The following TRIO variants were observed in gnomAD, a reference collection of about 807,000 sequenced individuals.
TRIO encodes triple functional domain protein.
Under a neutral mutation model 351.9 loss-of-function variants are expected in TRIO, and 58 were observed. That is an observed-to-expected ratio of 0.16 (90% CI 0.13 to 0.21). The LOEUF is 0.21. Among genes scored for constraint, TRIO ranks in the 10% least tolerant of loss-of-function variants. The pLI is 1.00. For synonymous variants in TRIO, 1,758 were observed against 1,595.7 expected, an observed-to-expected ratio of 1.10 and a Z score of -2.42; for missense variants, 3,201 against 4,027.8, an observed-to-expected ratio of 0.79 and a Z score of 5.56.
At chr5:14,482,225 C>G (rs765267035) in intron 45 of TRIO, among the ~76,000 whole-genome samples, 3 of 152,154 alleles carry the variant, frequency 2.0e-5, no homozygotes, top group East Asian at 1.9e-4. Flanking sequence ...ACACAGAGGC[C>G]GTTGGAGGGC....
chr5:14,224,377 G>A (rs1277492259), intron 1 of TRIO, among the ~76,000 whole-genome samples: 2 of 151,624 alleles, frequency 1.3e-5, no homozygotes, highest in Non-Finnish European at 2.9e-5. Context: ...TACTCTTGGA[G>A]TAAGGAAGAA....
chr5:14,438,309 T>C (rs999402787), intron 34 of TRIO, among the ~76,000 whole-genome samples: 2 of 152,320 alleles, frequency 1.3e-5, no homozygotes, highest in East Asian at 1.9e-4. Flanking sequence ...TCTGACATCA[T>C]TTCCTGACCC....
At position 14,143,756 on chromosome 5, in the gene TRIO, CCCGCCGCGTCCTCCGGCCCCG is replaced by C. The variant is rs1484360353; in HGVS notation, c.36_56del (p.Ser14_Ala20del). 1 of 990,800 alleles carries C rather than the reference CCCGCCGCGTCCTCCGGCCCCG, an allele frequency of 1.0e-6. No individual in the cohort carries two copies. Among genetic ancestry groups the C allele is most frequent in the Non-Finnish European group, 1.2e-6 (1 of 835,134 alleles). The allele number at this position is 990,800 out of a possible 1,614,324, so 61.4% of individuals were successfully genotyped here. A position where few individuals can be genotyped will look rare whatever the true frequency, so the allele number is the denominator to read the frequency against. ...CGGCAGCAGCGGCGGAGCCGCCGCC[CCCGCCGCGTCCTCCGGCCCCG>C]CCGCGGCGGCCAGCGCGGCTGGCTC... On this transcript the variant is annotated inframe_deletion, in exon 1 of 57. Coordinates refer to ENST00000344204, the MANE Select transcript of TRIO (RefSeq NM_007118.4).
intron 45 of TRIO, chr5:14,482,276 C>T (rs139439242): frequency 4.8e-5 from 9 of 187,860 alleles, no homozygotes; most frequent in Non-Finnish European, 3.2e-5. Context: ...TTCCTGCTGG[C>T]GACCCAGGGA....
At chr5:14,308,207 CAT>C (rs1193092226) in intron 8 of TRIO, among the ~76,000 whole-genome samples, 9 of 152,122 alleles carry the variant, frequency 5.9e-5, no homozygotes, top group African/African-American at 2.2e-4. Context: ...ACTTATGAAA[CAT>C]ATGAATGCCA....
chr5:14,176,030 A>G (rs1405015700), intron 1 of TRIO, among the ~76,000 whole-genome samples: 1 of 152,236 alleles, frequency 6.6e-6, no homozygotes, highest in Non-Finnish European at 1.5e-5. Context: ...AAAGCCAGGC[A>G]GGGTGGCATA....
chr5:14,153,344 T>C (rs1488581713), intron 1 of TRIO, among the ~76,000 whole-genome samples: 2 of 152,224 alleles, frequency 1.3e-5, no homozygotes, highest in Non-Finnish European at 1.5e-5. Flanking sequence ...TTGTGCTCCA[T>C]AGGAAAGTAG....
At chr5:14,330,716 C>T in intron 9 of TRIO, 62 bp from the exon 10 acceptor site, 2 of 1,580,138 alleles carry the variant, frequency 1.3e-6, no homozygotes, top group East Asian at 2.3e-5. Context: ...ATTGGATAAC[C>T]TTAAACATTG....
intron 1 of TRIO, among the ~76,000 whole-genome samples, chr5:14,193,029 C>G (rs769036825): frequency 6.6e-6 from 1 of 152,004 alleles, no homozygotes; most frequent in African/African-American, 2.4e-5. Context: ...AAGTGGAGAC[C>G]CTGCTGGGAA....
chr5:14,207,408 A>G (rs1791581075), intron 1 of TRIO, among the ~76,000 whole-genome samples: 2 of 124,612 alleles, frequency 1.6e-5, no homozygotes, highest in Admixed American at 7.8e-5. Flanking sequence ...ACACACACAC[A>G]CACACACACA....
intron 11 of TRIO, 113 bp downstream of exon 11, chr5:14,336,840 T>A: frequency 8.6e-7 from 1 of 1,161,582 alleles, no homozygotes; most frequent in Non-Finnish European, 1.2e-6. Context: ...TGGCAAGTTG[T>A]AAGATGTAGC....
rs181965282 is a variant in TRIO at position 14,344,174 on chromosome 5, A to T, written c.2046+7447A>T. On this transcript the variant is annotated intron_variant, in intron 11 of 56. Coordinates refer to ENST00000344204, the MANE Select transcript of TRIO (RefSeq NM_007118.4). ...CAGCTGGTGAAAGCAAGAGGAAACT[A>T]ACAGCCTAGAACTGTCGACTGCATC... Among the ~76,000 whole-genome samples the T allele has an allele frequency of 3.9e-3, 591 of 152,342 alleles. 4 individuals are homozygous for T. The highest frequency in any genetic ancestry group is 0.013 in the African/African-American group (558 of 41,592).
chr5:14,436,709 C>G (rs1032957590), intron 34 of TRIO, among the ~76,000 whole-genome samples: 1 of 152,124 alleles, frequency 6.6e-6, no homozygotes, highest in African/African-American at 2.4e-5. Context: ...GGCTACAGAC[C>G]CCATGCAAGT....
intron 1 of TRIO, among the ~76,000 whole-genome samples, chr5:14,145,209 C>A (rs1787433552): frequency 1.3e-5 from 2 of 152,160 alleles, no homozygotes; most frequent in African/African-American, 4.8e-5. Context: ...TTCCCCAATC[C>A]GGGTCACGAG....
At chr5:14,269,387 G>C (rs143628696) in intron 1 of TRIO, among the ~76,000 whole-genome samples, 7 of 152,340 alleles carry the variant, frequency 4.6e-5, no homozygotes, top group African/African-American at 1.7e-4. Context: ...TGATTTTGTT[G>C]CTGCTTGTTT....
chr5:14,508,174 T>C lies in TRIO; in HGVS notation c.9046T>C (p.Phe3016Leu), dbSNP rs1757840246. Residue 3016 changes from phenylalanine to leucine, a missense_variant, in exon 57 of 57, where the codon TTT (phenylalanine) becomes CTT (leucine). Phe to Leu is a conservative substitution (Grantham distance 22). Around this residue, in one of 19 missense-constraint regions of TRIO, gnomAD observed 233 missense variants for 292.6 expected, o/e 0.80. Coordinates refer to ENST00000344204, the MANE Select transcript of TRIO (RefSeq NM_007118.4). Reference sequence around the variant, plus strand: ...AGACTTTAGCTTCCCAGATGACTACTTTAAAGGAGTGAGCCAGAAGGCCAA... The same window carrying C: ...AGACTTTAGCTTCCCAGATGACTACCTTAAAGGAGTGAGCCAGAAGGCCAA... ...RLDFSFPDDY[F>L]KGVSQKAKEF... 1 of 1,614,070 alleles carries C rather than the reference T, an allele frequency of 6.2e-7. No homozygotes were observed.
chr5:14,230,018 T>G lies in TRIO; in HGVS notation c.158-40807T>G, dbSNP rs565130493. Among the ~76,000 whole-genome samples the G allele has an allele frequency of 5.9e-5, 9 of 152,288 alleles. No individual in the cohort carries two copies. The East Asian group carries it at 1.7e-3, about 29-fold the overall frequency. On this transcript the variant is annotated intron_variant, in intron 1 of 56. Coordinates refer to ENST00000344204, the MANE Select transcript of TRIO (RefSeq NM_007118.4). ...CTTGTGACCAGTCTGCAGATCACAC[T>G]TTGAACTCCAGAAGTTGTAACGTTT...
chr5:14,246,837 C>G (rs1794467702), intron 1 of TRIO, among the ~76,000 whole-genome samples: 1 of 152,226 alleles, frequency 6.6e-6, no homozygotes, highest in African/African-American at 2.4e-5. Context: ...AGACACCCCC[C>G]ACACCACCTC....
intron 9 of TRIO, among the ~76,000 whole-genome samples, chr5:14,317,729 C>A (rs1037554365): frequency 2.0e-5 from 3 of 152,194 alleles, no homozygotes; most frequent in African/African-American, 7.2e-5. Flanking sequence ...CGGTGGCTCA[C>A]GCCTGTAATC....
Sources: gnomAD v4.1 joint callset for allele counts (sites outside exome capture counted in the v4.1 genomes callset) on GRCh38, gnomAD v4.1.1 for gene constraint, gnomAD v4.1.1 regional missense constraint, MANE v1.5 for transcripts, NCBI Gene and HGNC (gene_info 2026-07-23, HGNC 2026-07-21) for gene names.